Variants in SNTG1 observed in about 807,000 individuals in gnomAD.
SNTG1 encodes gamma-1-syntrophin.
A neutral mutation model predicts 74.7 loss-of-function variants in SNTG1; 39 were observed. The ratio of observed to expected loss-of-function variants is 0.52; its 90% CI spans 0.40 to 0.68. The LOEUF is 0.68. Ranked by LOEUF, SNTG1 falls within the 30% of genes least tolerant of loss-of-function variation. The pLI is 0.00. For synonymous variants in SNTG1, 254 were observed against 217.1 expected (o/e 1.17, Z -1.49); for missense variants, 685 against 609.5 (o/e 1.12, Z -1.30).
intron 2 of SNTG1, among the ~76,000 whole-genome samples, chr8:50,274,559 G>T (rs2087985597): frequency 6.6e-6 from 1 of 151,660 alleles, no homozygotes; most frequent in Admixed American, 6.6e-5. Flanking sequence ...TTGACTTATT[G>T]CATTAGATGA....
At chr8:49,941,813 A>G (rs537739446) in intron 1 of SNTG1, among the ~76,000 whole-genome samples, 15 of 152,316 alleles carry the variant, frequency 9.8e-5, no homozygotes, top group African/African-American at 2.6e-4. Flanking sequence ...TAATCTGTCT[A>G]GAAGGATATA....
intron 2 of SNTG1, among the ~76,000 whole-genome samples, chr8:50,333,311 T>C (rs530457834): frequency 6.6e-6 from 1 of 152,366 alleles, no homozygotes; most frequent in South Asian, 2.1e-4. Flanking sequence ...TAAATGTTAA[T>C]AATGGTGTCT....
intron 2 of SNTG1, among the ~76,000 whole-genome samples, chr8:50,383,044 A>G (rs901233321): frequency 3.9e-5 from 6 of 152,234 alleles, no homozygotes; most frequent in Admixed American, 3.3e-4. Flanking sequence ...TCAGATGTTA[A>G]CCACATTAAA....
intron 18 of SNTG1, among the ~76,000 whole-genome samples, chr8:50,779,059 T>C (rs1348403530): frequency 6.6e-6 from 1 of 152,176 alleles, no homozygotes; most frequent in African/African-American, 2.4e-5. Context: ...TCCATTGATC[T>C]GTATCTCTGT....
intron 2 of SNTG1, among the ~76,000 whole-genome samples, chr8:50,223,687 G>T (rs1586752300): frequency 6.6e-6 from 1 of 151,952 alleles, no homozygotes; most frequent in Non-Finnish European, 1.5e-5. Flanking sequence ...TTTTCAAAAG[G>T]CTGTCTCTAC....
chr8:50,594,344 A>G (rs1276737179), intron 13 of SNTG1, among the ~76,000 whole-genome samples: 3 of 152,282 alleles, frequency 2.0e-5, no homozygotes, highest in Admixed American at 6.5e-5. Flanking sequence ...TCATTTTTCA[A>G]TAAGTTTCTT....
intron 5 of SNTG1, among the ~76,000 whole-genome samples, chr8:50,447,496 A>G (rs2093417432): frequency 6.6e-6 from 1 of 152,196 alleles, no homozygotes; most frequent in African/African-American, 2.4e-5. Flanking sequence ...TCTAAGAAAC[A>G]TAGATGCATC....
intron 12 of SNTG1, among the ~76,000 whole-genome samples, chr8:50,573,231 C>T (rs1216739687): frequency 6.6e-6 from 1 of 152,030 alleles, no homozygotes; most frequent in Non-Finnish European, 1.5e-5. Context: ...ATTATTACTA[C>T]TAAAAGTACA....
At chr8:50,228,530 G>A (rs1398935183) in intron 2 of SNTG1, among the ~76,000 whole-genome samples, 5 of 151,830 alleles carry the variant, frequency 3.3e-5, no homozygotes, top group Non-Finnish European at 7.4e-5. Flanking sequence ...AAATAAACCA[G>A]AGGAAAAAAC....
intron 9 of SNTG1, among the ~76,000 whole-genome samples, chr8:50,524,929 C>A (rs561491392): frequency 6.6e-6 from 1 of 151,926 alleles, no homozygotes; most frequent in South Asian, 2.1e-4. Flanking sequence ...ATGAATACAC[C>A]TTCATTATTC....
chr8:49,992,334 A>G (rs1190695109), intron 1 of SNTG1, among the ~76,000 whole-genome samples: 1 of 152,146 alleles, frequency 6.6e-6, no homozygotes, highest in East Asian at 1.9e-4. Context: ...CTGTACCTCC[A>G]TTTGTAGCAG....
At chr8:50,345,049 T>A (rs1045032876) in intron 2 of SNTG1, among the ~76,000 whole-genome samples, 1 of 152,168 alleles carries the variant, frequency 6.6e-6, no homozygotes, top group Non-Finnish European at 1.5e-5. Context: ...CCAGACCTGC[T>A]GATACCTTAA....
chr8:50,385,222 C>G (rs1418451915), intron 2 of SNTG1, among the ~76,000 whole-genome samples: 1 of 152,142 alleles, frequency 6.6e-6, no homozygotes, highest in Admixed American at 6.6e-5. Flanking sequence ...TGTTCTGGAC[C>G]CCACTTGAAA....
At chr8:50,392,947 A>G (rs1455231755) in intron 2 of SNTG1, among the ~76,000 whole-genome samples, 2 of 152,142 alleles carry the variant, frequency 1.3e-5, no homozygotes, top group Non-Finnish European at 2.9e-5. Context: ...AATTGATTCC[A>G]GACATCTCTT....
intron 13 of SNTG1, among the ~76,000 whole-genome samples, chr8:50,623,110 T>A (rs548362940): frequency 1.3e-5 from 2 of 152,292 alleles, no homozygotes; most frequent in East Asian, 3.9e-4. Context: ...TGTAAGATCA[T>A]CTTTTCTATG....
chr8:50,460,673 G>A (rs907570751), intron 8 of SNTG1, among the ~76,000 whole-genome samples: 1 of 152,110 alleles, frequency 6.6e-6, no homozygotes, highest in Non-Finnish European at 1.5e-5. Flanking sequence ...ATAGTGAAAG[G>A]TAGGGGTCCA....
chr8:50,116,887 T>G (rs1020741456), intron 1 of SNTG1, among the ~76,000 whole-genome samples: 2 of 152,112 alleles, frequency 1.3e-5, no homozygotes, highest in Non-Finnish European at 2.9e-5. Context: ...AGAATGACCT[T>G]CAGAACTGCA....
At chr8:50,780,601 T>A (rs2095656171) in intron 18 of SNTG1, among the ~76,000 whole-genome samples, 1 of 152,228 alleles carries the variant, frequency 6.6e-6, no homozygotes, top group Non-Finnish European at 1.5e-5. Flanking sequence ...TCTTTTCTTC[T>A]TTATTAGCCT....
At chr8:50,439,631 G>A (rs1272695087) in intron 5 of SNTG1, among the ~76,000 whole-genome samples, 1 of 151,722 alleles carries the variant, frequency 6.6e-6, no homozygotes, top group Non-Finnish European at 1.5e-5. Context: ...CTAAGACCAG[G>A]GAGGCATGCA....
Sources: allele counts gnomAD v4.1 joint callset (sites outside exome capture counted in the v4.1 genomes callset), GRCh38; gene constraint gnomAD v4.1.1; transcripts MANE v1.5; gene names NCBI Gene and HGNC (gene_info 2026-07-23, HGNC 2026-07-21).